The following GPC5 variants were observed in gnomAD, a reference collection of about 807,000 sequenced individuals.
The protein encoded by GPC5 is glypican 5, also known as glypican-5.
A neutral mutation model predicts 53.9 loss-of-function variants in GPC5; 47 were observed. The observed-to-expected ratio is 0.87, with a 90% confidence interval of 0.69 to 1.11. The LOEUF (loss-of-function observed/expected upper bound fraction) is 1.11. GPC5 is among the 50% of genes most tolerant of loss of function. GPC5 has a pLI of 0.00. For missense variants in GPC5, 748 were observed against 713.1 expected, an observed-to-expected ratio of 1.05 and a Z score of -0.56; for synonymous variants, 286 against 263.3, an observed-to-expected ratio of 1.09 and a Z score of -0.84.
intron 7 of GPC5, among the ~76,000 whole-genome samples, chr13:92,406,811 C>T (rs1024955633): frequency 6.6e-6 from 1 of 152,054 alleles, no homozygotes; most frequent in Non-Finnish European, 1.5e-5. Context: ...TAAAATTCAG[C>T]CACATATTGG....
At chr13:92,237,224 T>C (rs2042577089) in intron 7 of GPC5, among the ~76,000 whole-genome samples, 1 of 152,146 alleles carries the variant, frequency 6.6e-6, no homozygotes. Flanking sequence ...TTTATTATTA[T>C]GATTATTGTT....
chr13:92,814,094 G>T (rs1022932157), intron 7 of GPC5, among the ~76,000 whole-genome samples: 6 of 151,974 alleles, frequency 3.9e-5, no homozygotes, highest in African/African-American at 1.5e-4. Flanking sequence ...CAATTGATTT[G>T]TAATGAAGCT....
intron 5 of GPC5, among the ~76,000 whole-genome samples, chr13:91,859,783 T>G (rs1053694497): frequency 6.6e-6 from 1 of 151,988 alleles, no homozygotes; most frequent in African/African-American, 2.4e-5. Context: ...AAATTATGTT[T>G]TATTTTATTT....
chr13:92,637,827 T>C (rs1459339935), intron 7 of GPC5, among the ~76,000 whole-genome samples: 1 of 152,082 alleles, frequency 6.6e-6, no homozygotes, highest in African/African-American at 2.4e-5. Flanking sequence ...CTAAAATTAG[T>C]AGATAATGAC....
intron 7 of GPC5, among the ~76,000 whole-genome samples, chr13:92,279,347 T>C (rs1442397383): frequency 1.3e-5 from 2 of 152,062 alleles, no homozygotes; most frequent in African/African-American, 4.8e-5. Context: ...ATAAACACAA[T>C]TAAGTTTTTT....
At chr13:92,162,018 G>A (rs1039938994) in intron 7 of GPC5, among the ~76,000 whole-genome samples, 2 of 108,114 alleles carry the variant, frequency 1.8e-5, no homozygotes, top group Admixed American at 1.0e-4. Flanking sequence ...TAGTTCTCTG[G>A]TTATAAATTT....
At chr13:91,967,852 G>A (rs1331506282) in intron 6 of GPC5, among the ~76,000 whole-genome samples, 1 of 151,960 alleles carries the variant, frequency 6.6e-6, no homozygotes, top group African/African-American at 2.4e-5. Context: ...CTCCATTTCT[G>A]TCACATGCTT....
intron 7 of GPC5, among the ~76,000 whole-genome samples, chr13:92,644,489 T>C (rs1047203096): frequency 6.6e-6 from 1 of 152,154 alleles, no homozygotes; most frequent in Non-Finnish European, 1.5e-5. Flanking sequence ...TAAGACATAA[T>C]GCCATGTGAC....
At chr13:92,347,495 G>A (rs926296221) in intron 7 of GPC5, among the ~76,000 whole-genome samples, 1 of 151,942 alleles carries the variant, frequency 6.6e-6, no homozygotes, top group African/African-American at 2.4e-5. Context: ...TGAAAGCAAA[G>A]GGATGTCATA....
At chr13:92,080,882 C>T (rs1387988147) in intron 6 of GPC5, among the ~76,000 whole-genome samples, 1 of 152,164 alleles carries the variant, frequency 6.6e-6, no homozygotes, top group East Asian at 1.9e-4. Flanking sequence ...TCCTGCTGTG[C>T]CCCATGGCCC....
At chr13:92,586,605 C>T (rs1883545582) in intron 7 of GPC5, among the ~76,000 whole-genome samples, 1 of 152,078 alleles carries the variant, frequency 6.6e-6, no homozygotes, top group African/African-American at 2.4e-5. Context: ...AGAAAAACAC[C>T]CAGTGAGCTC....
chr13:91,564,895 TAAATA>T (rs1401830526), intron 2 of GPC5, among the ~76,000 whole-genome samples: 1 of 151,904 alleles, frequency 6.6e-6, no homozygotes, highest in African/African-American at 2.4e-5. Flanking sequence ...TTTTATAAAT[TAAATA>T]AAATAATTCA....
chr13:91,732,374 GT>G (rs1162888019), intron 4 of GPC5, among the ~76,000 whole-genome samples: 5,499 of 142,326 alleles, frequency 0.039, 280 homozygotes, highest in African/African-American at 0.12. Context: ...ACTTTTTGAT[GT>G]TTTTTTTTTT....
At chr13:92,642,618 C>T (rs1284510735) in intron 7 of GPC5, among the ~76,000 whole-genome samples, 1 of 152,226 alleles carries the variant, frequency 6.6e-6, no homozygotes, top group Non-Finnish European at 1.5e-5. Context: ...ATCTGGGCTA[C>T]TACTCAAACA....
intron 6 of GPC5, among the ~76,000 whole-genome samples, chr13:92,086,565 T>C (rs2041337117): frequency 6.6e-6 from 1 of 152,188 alleles, no homozygotes; most frequent in African/African-American, 2.4e-5. Context: ...AAATTTTTAT[T>C]TTCTCTTCAC....
At chr13:91,535,220 A>C (rs1886533627) in intron 2 of GPC5, among the ~76,000 whole-genome samples, 1 of 152,186 alleles carries the variant, frequency 6.6e-6, no homozygotes, top group Non-Finnish European at 1.5e-5. Context: ...GGCTCAGTTA[A>C]GACATCACCC....
rs2032189159 is a variant in GPC5 at position 91,577,670 on chromosome 13, A to G, written c.326-115517A>G. 3.9e-5 allele frequency among the ~76,000 whole-genome samples: 6 copies of G among 152,270 alleles called. No homozygotes were observed. The South Asian group carries it at 1.2e-3, about 32-fold the overall frequency. The stretch of plus-strand genomic sequence containing the variant: ...TATGAAACTTGGTCATAAAGAAAAA[A>G]ATGGCACTCTAAGGGCTGTGAGCTT... On this transcript the variant is annotated intron_variant, in intron 2 of 7. Coordinates refer to ENST00000377067, the MANE Select transcript of GPC5 (RefSeq NM_004466.6).
intron 7 of GPC5, among the ~76,000 whole-genome samples, chr13:92,730,080 A>G (rs953704714): frequency 1.5e-4 from 22 of 151,512 alleles, no homozygotes; most frequent in African/African-American, 5.1e-4. Flanking sequence ...TAATGAGGCT[A>G]TATTATCTGA....
intron 2 of GPC5, among the ~76,000 whole-genome samples, chr13:91,505,458 G>A (rs922409693): frequency 6.6e-6 from 1 of 152,124 alleles, no homozygotes; most frequent in Admixed American, 6.5e-5. Flanking sequence ...AAACCCACAG[G>A]CTGGTAGTGG....
Sources: allele counts gnomAD v4.1 joint callset (sites outside exome capture counted in the v4.1 genomes callset), GRCh38; gene constraint gnomAD v4.1.1; transcripts MANE v1.5; gene names NCBI Gene and HGNC (gene_info 2026-07-23, HGNC 2026-07-21).